The following VPS13A variants were observed in gnomAD, a reference collection of about 807,000 sequenced individuals.
VPS13A encodes the protein vacuolar protein sorting 13 homolog A.
In VPS13A, 264 loss-of-function variants were observed where a neutral mutation model predicts 390.9. The ratio of observed to expected loss-of-function variants is 0.68; its 90% CI spans 0.61 to 0.75. VPS13A has a LOEUF of 0.75. VPS13A is among the 30% of genes least tolerant of loss of function. VPS13A has a pLI of 0.00. For synonymous variants in VPS13A, 1,231 were observed against 1,227.1 expected, an observed-to-expected ratio of 1.00 and a Z score of -0.07; for missense variants, 3,409 against 3,733.9, an observed-to-expected ratio of 0.91 and a Z score of 2.27.
intron 3 of VPS13A, among the ~76,000 whole-genome samples, chr9:77,204,472 T>G (rs933929476): frequency 2.0e-5 from 3 of 152,150 alleles, no homozygotes; most frequent in African/African-American, 7.2e-5. Context: ...GAATATTTTA[T>G]TATTACTTTA....
intron 70 of VPS13A, among the ~76,000 whole-genome samples, chr9:77,406,506 C>T (rs545399970): frequency 6.6e-6 from 1 of 152,264 alleles, no homozygotes; most frequent in African/African-American, 2.4e-5. Context: ...CAACCTCCAC[C>T]TCCCAGGTTC....
chr9:77,291,467 C>T (rs1363365276), intron 31 of VPS13A, among the ~76,000 whole-genome samples: 1 of 152,030 alleles, frequency 6.6e-6, no homozygotes, highest in Non-Finnish European at 1.5e-5. Context: ...AAGCTATTAG[C>T]TTGGGGTGGG....
At chr9:77,278,144 C>T (rs1182795308) in intron 26 of VPS13A, among the ~76,000 whole-genome samples, 5 of 151,818 alleles carry the variant, frequency 3.3e-5, no homozygotes, top group Non-Finnish European at 7.4e-5. Context: ...GATCTCGGCT[C>T]ACTGCAAGCT....
chr9:77,250,290 G>C, intron 21 of VPS13A, 61 bp downstream of exon 21: 1 of 1,586,934 alleles, frequency 6.3e-7, no homozygotes. Context: ...TAGGTTTTTA[G>C]ACACTTTGAA....
chr9:77,366,666 A>G (rs1832447706), intron 60 of VPS13A, 61 bp from the exon 61 acceptor site: 3 of 1,424,098 alleles, frequency 2.1e-6, no homozygotes, highest in African/African-American at 1.4e-5. Context: ...TGATTTTTTA[A>G]GAGTTAAAAT....
In VPS13A at chr9:77,420,550, G is replaced by A. The variant is rs1835311472; in HGVS notation, c.*4544G>A. Reference sequence around the variant, plus strand: ...AACTTCAATTTTTTAGGTTGATATGGGTATATTTTTAAAGTTTTTATTACT... The same window carrying A: ...AACTTCAATTTTTTAGGTTGATATGAGTATATTTTTAAAGTTTTTATTACT... On this transcript the variant is annotated 3_prime_UTR_variant, in exon 72 of 72. Coordinates refer to ENST00000360280, the MANE Select transcript of VPS13A (RefSeq NM_033305.3). The A allele has an allele frequency of 6.6e-6, 1 of 151,362 alleles. No homozygotes were observed. The highest frequency in any genetic ancestry group is 1.5e-5 in the Non-Finnish European group (1 of 67,816). 9.4% of individuals were successfully genotyped at this position (151,362 alleles called of 1,614,324 possible).
chr9:77,336,131 C>T (rs1830525797), intron 46 of VPS13A, among the ~76,000 whole-genome samples: 1 of 152,168 alleles, frequency 6.6e-6, no homozygotes, highest in South Asian at 2.1e-4. Flanking sequence ...CATGTTCTCA[C>T]TCATAAGTGG....
intron 68 of VPS13A, among the ~76,000 whole-genome samples, chr9:77,393,535 A>C (rs552666753): frequency 6.6e-6 from 1 of 152,342 alleles, no homozygotes; most frequent in Non-Finnish European, 1.5e-5. Context: ...GTATTTCTTA[A>C]ATAATAAGAC....
rs1332356611 is a variant in VPS13A at position 77,314,801 on chromosome 9, G to C, written c.4412+137G>C. ...AAAGCTTCAATTCAGTCAGCTCGTA[G>C]TACTCGGTTAACATTTAAAATGTCC... On this transcript the variant is annotated intron_variant, in intron 37 of 71. Transcript: ENST00000360280. 8.9e-6 allele frequency: 7 copies of C among 786,380 alleles called. No individual in the cohort carries two copies. The East Asian group carries it at 1.9e-4, about 21-fold the overall frequency. The allele number at this position is 786,380 out of a possible 1,614,324, so 48.7% of individuals were successfully genotyped here.
chr9:77,355,208 A>T (rs142265720), intron 54 of VPS13A, among the ~76,000 whole-genome samples: 2 of 152,272 alleles, frequency 1.3e-5, no homozygotes, highest in Non-Finnish European at 2.9e-5. Context: ...ACCACTCCAA[A>T]CAGGGTTTTG....
At chr9:77,216,631 T>G (rs1430931450) in intron 10 of VPS13A, among the ~76,000 whole-genome samples, 1 of 152,140 alleles carries the variant, frequency 6.6e-6, no homozygotes, top group East Asian at 1.9e-4. Context: ...GCTCTTCAAT[T>G]AAAAAATATG....
intron 17 of VPS13A, among the ~76,000 whole-genome samples, chr9:77,230,153 A>G (rs1823746088): frequency 6.6e-6 from 1 of 151,880 alleles, no homozygotes; most frequent in African/African-American, 2.4e-5. Flanking sequence ...AGAGTTCTTT[A>G]TATATTCTTG....
At position 77,199,931 on chromosome 9, in the gene VPS13A, T is replaced by G. The variant is rs202024224; in HGVS notation, c.101-14T>G. Reference sequence around the variant, plus strand: ...ATATTTGATTGTTTGAATCTTTTTTTTAATCTTTTTTAGGAGCTGTGGCCC... The same window carrying G: ...ATATTTGATTGTTTGAATCTTTTTTGTAATCTTTTTTAGGAGCTGTGGCCC... On this transcript the variant is annotated splice_polypyrimidine_tract_variant and intron_variant, in intron 1 of 71. Transcript: ENST00000360280. The G allele has an allele frequency of 1.5e-4, 234 of 1,596,548 alleles. No individual in the cohort carries two copies. The African/African-American group carries it at 2.7e-3, about 19-fold the overall frequency.
intron 39 of VPS13A, among the ~76,000 whole-genome samples, chr9:77,316,638 T>C (rs1829407551): frequency 6.6e-6 from 1 of 152,112 alleles, no homozygotes; most frequent in Non-Finnish European, 1.5e-5. Flanking sequence ...ACTAAGAAGT[T>C]GGGTTCATCT....
rs969710583 is a variant in VPS13A at position 77,220,096 on chromosome 9, T to C, written c.882+15T>C. 6.3e-7 allele frequency: 1 copy of C among 1,594,446 alleles called. No individual in the cohort carries two copies. The highest frequency in any genetic ancestry group is 1.7e-5 in the Admixed American group (1 of 59,004). The stretch of plus-strand genomic sequence containing the variant: ...ATAAACCACAGGTGATTTTCTTTAA[T>C]ATAATTTTCAATTGTGAATTATTGT... On this transcript the variant is annotated intron_variant, in intron 11 of 71. Coordinates refer to ENST00000360280, the MANE Select transcript of VPS13A (RefSeq NM_033305.3).
intron 31 of VPS13A, among the ~76,000 whole-genome samples, chr9:77,292,790 C>T (rs1827755959): frequency 6.6e-6 from 1 of 152,082 alleles, no homozygotes; most frequent in Non-Finnish European, 1.5e-5. Context: ...ACTGTTATTG[C>T]AGAGCTTGAG....
chr9:77,332,312 T>C (rs1830320836), intron 46 of VPS13A, among the ~76,000 whole-genome samples, 199 bp downstream of exon 46: 1 of 152,024 alleles, frequency 6.6e-6, no homozygotes, highest in South Asian at 2.1e-4. Flanking sequence ...CTATATATGC[T>C]TTTCTCTTAA....
chr9:77,212,295 C>G (rs1160925144), intron 7 of VPS13A, among the ~76,000 whole-genome samples: 1 of 152,096 alleles, frequency 6.6e-6, no homozygotes, highest in African/African-American at 2.4e-5. Context: ...GCATTATATT[C>G]TCCTGCATAC....
intron 34 of VPS13A, among the ~76,000 whole-genome samples, chr9:77,306,401 A>AGAGAGAGTGTGTGTGTGTGT (rs550279922): frequency 1.5e-4 from 16 of 107,686 alleles, no homozygotes; most frequent in African/African-American, 5.3e-4. Context: ...AGAGAGAGAG[A>AGAGAGAGTGTGTGTGTGTGT]GTGTGTGTGT....
Sources: gnomAD v4.1 joint callset for allele counts (sites outside exome capture counted in the v4.1 genomes callset) on GRCh38, gnomAD v4.1.1 for gene constraint, MANE v1.5 for transcripts, NCBI Gene and HGNC (gene_info 2026-07-23, HGNC 2026-07-21) for gene names.